FER: variants seen among roughly 807,000 people sequenced by gnomAD.
FER encodes the protein tyrosine-protein kinase Fer.
FER carries 63 observed loss-of-function variants against 111.0 expected under a neutral mutation model. The observed-to-expected ratio is 0.57, with a 90% confidence interval of 0.46 to 0.70. The LOEUF is 0.70. Among genes scored for constraint, FER ranks in the 30% least tolerant of loss-of-function variants. The pLI is 0.00. For missense variants in FER, 914 were observed against 954.0 expected (o/e 0.96, Z 0.55); for synonymous variants, 327 against 313.9 (o/e 1.04, Z -0.44).
At chr5:109,075,428 AT>A (rs749923297) in intron 16 of FER, among the ~76,000 whole-genome samples, 11,936 of 128,450 alleles carry the variant, frequency 0.093, 387 homozygotes, top group African/African-American at 0.14. Flanking sequence ...TTTGCTTAGC[AT>A]TTTTTTTTTT....
At chr5:108,846,060 G>A (rs1394647319) in intron 5 of FER, among the ~76,000 whole-genome samples, 2 of 152,088 alleles carry the variant, frequency 1.3e-5, no homozygotes, top group Non-Finnish European at 2.9e-5. Flanking sequence ...CTATGTCTAT[G>A]TTTCTTGTAA....
rs1469114761 is a variant in FER at position 108,911,013 on chromosome 5, A to G, written c.1236+13165A>G. Reference sequence around the variant, plus strand: ...TGGGATTACTGGGTCAAATAGTAGTAGTTCTATTTTTAGTTCTTTGAAAAA... The same window carrying G: ...TGGGATTACTGGGTCAAATAGTAGTGGTTCTATTTTTAGTTCTTTGAAAAA... On this transcript the variant is annotated intron_variant, in intron 10 of 19. Coordinates refer to ENST00000281092, the MANE Select transcript of FER (RefSeq NM_005246.4). Among the ~76,000 whole-genome samples the G allele has an allele frequency of 4.6e-5, 7 of 152,228 alleles. No individual in the cohort carries two copies. The East Asian group carries it at 1.4e-3, about 29-fold the overall frequency.
chr5:108,925,124 G>A (rs1201420790), intron 10 of FER, among the ~76,000 whole-genome samples: 1 of 150,328 alleles, frequency 6.7e-6, no homozygotes, highest in Non-Finnish European at 1.5e-5. Flanking sequence ...GAATATTTGA[G>A]GAGAAACATG....
intron 13 of FER, among the ~76,000 whole-genome samples, chr5:108,977,477 C>T (rs1761510403): frequency 6.6e-6 from 1 of 151,956 alleles, no homozygotes; most frequent in Admixed American, 6.6e-5. Flanking sequence ...TTAAAAAGTC[C>T]ATGTATAAGT....
At chr5:109,009,834 A>G (rs1348742257) in intron 13 of FER, among the ~76,000 whole-genome samples, 1 of 152,182 alleles carries the variant, frequency 6.6e-6, no homozygotes, top group Non-Finnish European at 1.5e-5. Flanking sequence ...GACAGCTGAA[A>G]TGGCTAGTCT....
At chr5:108,927,113 C>T (rs1407861212) in intron 10 of FER, among the ~76,000 whole-genome samples, 2 of 151,978 alleles carry the variant, frequency 1.3e-5, no homozygotes, top group African/African-American at 2.4e-5. Flanking sequence ...CTTCCCTCTC[C>T]TATTATAATA....
intron 13 of FER, among the ~76,000 whole-genome samples, chr5:109,016,116 T>C (rs1767080134): frequency 6.6e-6 from 1 of 152,034 alleles, no homozygotes; most frequent in African/African-American, 2.4e-5. Context: ...CTGACCTAAG[T>C]TGTGCACTTC....
rs1554084619 is a variant in FER at position 108,879,701 on chromosome 5, A to ATATATATATATATATATATATAT, written c.924-3695_924-3694insTATATATATATATATATATATAT. On this transcript the variant is annotated intron_variant, in intron 8 of 19. Coordinates refer to ENST00000281092, the MANE Select transcript of FER (RefSeq NM_005246.4). ...ATGTATTTTTTTTAGATTAAAAAAAAATATATATATATATATATATATATT... is the reference window on the plus strand; with the variant it reads ...ATGTATTTTTTTTAGATTAAAAAAAATATATATATATATATATATATATATATATATATATATATATATATATT... 9.8e-4 allele frequency among the ~76,000 whole-genome samples: 97 copies of ATATATATATATATATATATATAT among 99,030 alleles called. 1 individual carries two copies. Among genetic ancestry groups the ATATATATATATATATATATATAT allele is most frequent in the Middle Eastern group, 5.4e-3 (1 of 186 alleles). The allele number at this position is 99,030 out of a possible 152,430, so 65.0% of individuals were successfully genotyped here. A position where few individuals can be genotyped will look rare whatever the true frequency, so the allele number is the denominator to read the frequency against.
At chr5:108,935,757 T>G (rs1294669586) in intron 10 of FER, among the ~76,000 whole-genome samples, 1 of 152,098 alleles carries the variant, frequency 6.6e-6, no homozygotes, top group Admixed American at 6.6e-5. Context: ...CTATAAAATA[T>G]TTTTCTTTTG....
At chr5:109,078,419 G>C (rs1776617874) in intron 16 of FER, among the ~76,000 whole-genome samples, 1 of 152,168 alleles carries the variant, frequency 6.6e-6, no homozygotes, top group African/African-American at 2.4e-5. Flanking sequence ...ATGTCTGGGT[G>C]ATGTCTCTAC....
chr5:108,996,053 A>G (rs185909878), intron 13 of FER, among the ~76,000 whole-genome samples: 50 of 152,332 alleles, frequency 3.3e-4, no homozygotes, highest in African/African-American at 1.0e-3. Context: ...TGTTGGCCGC[A>G]TAAATGTCTT....
intron 17 of FER, among the ~76,000 whole-genome samples, chr5:109,172,189 G>A (rs1483349773): frequency 1.3e-5 from 2 of 151,918 alleles, no homozygotes; most frequent in African/African-American, 2.4e-5. Context: ...GCACACGTAT[G>A]CTTATTGCGG....
At chr5:109,025,260 T>C (rs111331537) in intron 13 of FER, among the ~76,000 whole-genome samples, 16,821 of 152,066 alleles carry the variant, frequency 0.11, 1,030 homozygotes, top group Non-Finnish European at 0.14. Flanking sequence ...GAACATGGAA[T>C]GTTCTTCCAT....
chr5:109,051,717 A>G (rs539453569), intron 16 of FER: 27 of 1,568,666 alleles, frequency 1.7e-5, no homozygotes, highest in Non-Finnish European at 2.1e-5. Context: ...CAGTGGTCGC[A>G]TGGTAAGGGT....
At chr5:108,805,375 C>T (rs1229586943) in intron 3 of FER, among the ~76,000 whole-genome samples, 1 of 152,132 alleles carries the variant, frequency 6.6e-6, no homozygotes, top group Non-Finnish European at 1.5e-5. Flanking sequence ...TCTCAGGTAT[C>T]AGCAGCATGA....
intron 15 of FER, among the ~76,000 whole-genome samples, chr5:109,046,226 C>T (rs2043287): frequency 0.57 from 86,266 of 151,924 alleles, 25,259 homozygotes; most frequent in African/African-American, 0.64. Flanking sequence ...TTGAAATTGA[C>T]CCTGATCAAG....
chr5:109,073,442 G>A (rs1184945437), intron 16 of FER, among the ~76,000 whole-genome samples: 1 of 152,070 alleles, frequency 6.6e-6, no homozygotes, highest in Non-Finnish European at 1.5e-5. Context: ...GAGCTCTGAG[G>A]CTAGTGTTAG....
Position 108,871,463 on chromosome 5 carries a change from A to T in FER, c.764A>T (p.Asp255Val), listed in dbSNP as rs1764592725. The T allele has an allele frequency of 6.2e-7, 1 of 1,610,194 alleles. No individual in the cohort carries two copies. The highest frequency in any genetic ancestry group is 1.1e-5 in the South Asian group (1 of 90,644). The stretch of plus-strand genomic sequence containing the variant: ...ATTCAAATGTCGGTTGAACAGATAG[A>T]TCCTAGTACAGAATACAATAATTTC... ...KEIQMSVEQIDPSTEYNNFID... is the reference protein window; with the variant it reads ...KEIQMSVEQIVPSTEYNNFID... The change falls in exon 7 of 20, where the codon GAT becomes GTT. Residue 255 changes from aspartate to valine, a missense_variant. Asp to Val is a radical substitution (Grantham distance 152). This residue lies in a region of FER where 774 missense variants were observed against 782.6 expected (regional missense o/e 0.99). Transcript: ENST00000281092.
At chr5:108,761,582 A>G (rs749094976) in intron 1 of FER, among the ~76,000 whole-genome samples, 2 of 152,230 alleles carry the variant, frequency 1.3e-5, no homozygotes, top group Non-Finnish European at 2.9e-5. Flanking sequence ...GAAATATTGT[A>G]AGAATCACCA....
Sources: gnomAD v4.1 joint callset for allele counts (sites outside exome capture counted in the v4.1 genomes callset) on GRCh38, gnomAD v4.1.1 for gene constraint, gnomAD v4.1.1 regional missense constraint, MANE v1.5 for transcripts, NCBI Gene and HGNC (gene_info 2026-07-23, HGNC 2026-07-21) for gene names.